Variants in TBX19 observed in about 807,000 individuals in gnomAD.
The protein encoded by TBX19 is T-box transcription factor 19, also known as T-box transcription factor TBX19.
In TBX19, 33 loss-of-function variants were observed where a neutral mutation model predicts 40.9. The observed-to-expected ratio is 0.81, with a 90% CI of 0.61 to 1.08. The LOEUF is 1.08. Among genes scored for constraint, TBX19 ranks in the 50% least tolerant of loss-of-function variants. The pLI is 0.00. For synonymous variants in TBX19, 220 were observed against 225.0 expected, an observed-to-expected ratio of 0.98 and a Z score of 0.20; for missense variants, 494 against 574.0, an observed-to-expected ratio of 0.86 and a Z score of 1.42.
Position 168,312,740 on chromosome 1 carries a change from G to A in TBX19, c.1085G>A (p.Gly362Asp). Reference sequence around the variant, plus strand: ...CCGTGCCTGTGGACCATCAGCAATGGTGCCGGAGGCCCCAGTGGGCCAGGC... The same window carrying A: ...CCGTGCCTGTGGACCATCAGCAATGATGCCGGAGGCCCCAGTGGGCCAGGC... ...PYPCLWTISN[G>D]AGGPSGPGPE... Residue 362 changes from glycine (G) to aspartate (D), a missense_variant, in exon 8 of 8, where the codon GGT becomes GAT. Around this residue, in one of 3 missense-constraint regions of TBX19, gnomAD observed 284 missense variants for 307.3 expected, o/e 0.92. Coordinates refer to ENST00000367821, the MANE Select transcript of TBX19 (RefSeq NM_005149.3). 1 of 1,613,932 alleles carries A rather than the reference G, an allele frequency of 6.2e-7. No individual in the cohort carries two copies. The highest frequency in any genetic ancestry group is 8.5e-7 in the Non-Finnish European group (1 of 1,180,036).
chr1:168,294,436 C>T (rs1045087786), intron 3 of TBX19, among the ~76,000 whole-genome samples: 5 of 150,502 alleles, frequency 3.3e-5, no homozygotes, highest in Non-Finnish European at 5.9e-5. Context: ...TAGGTTCAAG[C>T]GATTCTCCTG....
chr1:168,302,207 G>T (rs993072230), intron 5 of TBX19, among the ~76,000 whole-genome samples: 1 of 152,196 alleles, frequency 6.6e-6, no homozygotes, highest in Non-Finnish European at 1.5e-5. Context: ...CTGGGTGCAT[G>T]AATCTTGATT....
At chr1:168,283,354 T>A (rs1265924657) in intron 1 of TBX19, among the ~76,000 whole-genome samples, 1 of 152,184 alleles carries the variant, frequency 6.6e-6, no homozygotes, top group East Asian at 1.9e-4. Context: ...CTCGGAGCCC[T>A]TTAGGGTCAA....
chr1:168,295,364 G>A (rs777780427), intron 3 of TBX19, among the ~76,000 whole-genome samples: 7 of 152,100 alleles, frequency 4.6e-5, no homozygotes, highest in Admixed American at 1.3e-4. Context: ...ATTTTGGGCT[G>A]CCACTCAGCC....
At chr1:168,307,411 G>A (rs1279160890) in intron 6 of TBX19, among the ~76,000 whole-genome samples, 1 of 152,124 alleles carries the variant, frequency 6.6e-6, no homozygotes, top group African/African-American at 2.4e-5. Flanking sequence ...GAGAGGGCAG[G>A]AGGCTAAACC....
chr1:168,291,435 G>A lies in TBX19; in HGVS notation c.468+11G>A. On this transcript the variant is annotated intron_variant, in intron 2 of 7. Transcript: ENST00000367821. The stretch of plus-strand genomic sequence containing the variant: ...AATGGAGGCGGGCAGGTACGAATGA[G>A]GCGGGCAGGCCTGGCCACCCGCTCC... The A allele has an allele frequency of 6.2e-7, 1 of 1,614,122 alleles. No individual in the cohort carries two copies.
At chr1:168,294,561 G>A (rs1649053104) in intron 3 of TBX19, among the ~76,000 whole-genome samples, 3 of 151,996 alleles carry the variant, frequency 2.0e-5, no homozygotes, top group Admixed American at 2.0e-4. Flanking sequence ...GAGTGCAGTG[G>A]TGTGATCTCA....
In TBX19 at chr1:168,283,840, G is replaced by T. The variant is rs147839423; in HGVS notation, c.203+2547G>T. Among the ~76,000 whole-genome samples, 618 of 152,288 alleles carry T rather than the reference G, an allele frequency of 4.1e-3. 6 individuals carry two copies. The highest frequency in any genetic ancestry group is 0.013 in the African/African-American group (547 of 41,548). ...TTTTAAAAAAGCATCATTTGGGGTG[G>T]TAACTCCTATACACTTGAGGTCTCA... On this transcript the variant is annotated intron_variant, in intron 1 of 7. Transcript: ENST00000367821.
chr1:168,308,393 A>G, intron 6 of TBX19: 1 of 342,372 alleles, frequency 2.9e-6, no homozygotes, highest in Non-Finnish European at 5.6e-6. Flanking sequence ...GCTTAGCTTG[A>G]GGGGAGGCTG....
intron 1 of TBX19, among the ~76,000 whole-genome samples, chr1:168,290,339 G>C (rs1648907403): frequency 6.6e-6 from 1 of 152,202 alleles, no homozygotes; most frequent in African/African-American, 2.4e-5. Context: ...ATGTCTCAAA[G>C]TGTGTTCTTT....
At chr1:168,298,150 G>C (rs995826287) in intron 4 of TBX19, among the ~76,000 whole-genome samples, 12 of 152,082 alleles carry the variant, frequency 7.9e-5, no homozygotes, top group East Asian at 1.9e-4. Flanking sequence ...GAGCCGAGAT[G>C]GCGCCACTGC....
chr1:168,289,328 A>G (rs1648882423), intron 1 of TBX19, among the ~76,000 whole-genome samples: 1 of 152,264 alleles, frequency 6.6e-6, no homozygotes, highest in Admixed American at 6.5e-5. Flanking sequence ...GTTTAATCTG[A>G]TAGTAGGAGA....
chr1:168,304,525 T>A (rs1649354554), intron 5 of TBX19, among the ~76,000 whole-genome samples: 1 of 152,220 alleles, frequency 6.6e-6, no homozygotes, highest in Non-Finnish European at 1.5e-5. Context: ...TATTGTAAAG[T>A]CTGGAATAAT....
chr1:168,288,928 AT>A (rs1410657719), intron 1 of TBX19, among the ~76,000 whole-genome samples: 1 of 152,030 alleles, frequency 6.6e-6, no homozygotes, highest in Admixed American at 6.6e-5. Flanking sequence ...GCCTGGCTAA[AT>A]TTTGTATTTT....
chr1:168,305,903 T>G (rs1425800623), intron 6 of TBX19, among the ~76,000 whole-genome samples: 2 of 152,244 alleles, frequency 1.3e-5, no homozygotes, highest in Non-Finnish European at 2.9e-5. Context: ...CAAATATTTA[T>G]TGAGGATCGA....
At chr1:168,310,602 A>G (rs1284774129) in intron 7 of TBX19, among the ~76,000 whole-genome samples, 1 of 151,416 alleles carries the variant, frequency 6.6e-6, no homozygotes, top group Non-Finnish European at 1.5e-5. Context: ...GTTGAGTGTA[A>G]TACTCACATA....
intron 6 of TBX19, among the ~76,000 whole-genome samples, chr1:168,306,801 C>T (rs1334094153): frequency 1.3e-5 from 2 of 152,086 alleles, no homozygotes; most frequent in African/African-American, 4.8e-5. Flanking sequence ...ACAAGATCAC[C>T]AGGGGATTCA....
intron 1 of TBX19, 107 bp from the exon 2 acceptor site, chr1:168,291,050 GCCT>G (rs1226490608): frequency 4.2e-6 from 6 of 1,435,498 alleles, no homozygotes; most frequent in Non-Finnish European, 3.9e-6. Flanking sequence ...TGTTTATTTG[GCCT>G]CCTCACAGGG....
chr1:168,282,850 T>G (rs1015070016), intron 1 of TBX19, among the ~76,000 whole-genome samples: 3 of 152,202 alleles, frequency 2.0e-5, no homozygotes, highest in Non-Finnish European at 4.4e-5. Flanking sequence ...TGGCCATTTA[T>G]TAAAGTAAAA....
Sources: allele counts gnomAD v4.1 joint callset (sites outside exome capture counted in the v4.1 genomes callset), GRCh38; gene constraint gnomAD v4.1.1; regional missense constraint gnomAD v4.1.1; transcripts MANE v1.5; gene names NCBI Gene and HGNC (gene_info 2026-07-23, HGNC 2026-07-21).